The following AFAP1 variants were observed in gnomAD, a reference collection of about 807,000 sequenced individuals.
AFAP1 encodes the protein actin filament associated protein 1, also known as actin filament-associated protein 1.
In AFAP1, 75 loss-of-function variants were observed where a neutral mutation model predicts 93.9. That is an observed-to-expected ratio of 0.80 (90% CI 0.66 to 0.97). The LOEUF (loss-of-function observed/expected upper bound fraction) is 0.97, where lower values mean the gene tolerates loss of function less well. Among genes scored for constraint, AFAP1 ranks in the 50% least tolerant of loss-of-function variants. AFAP1 has a pLI of 0.00. For missense variants in AFAP1, 1,201 were observed against 1,050.8 expected (o/e 1.14, Z -1.98); for synonymous variants, 517 against 430.7 (o/e 1.20, Z -2.48).
At chr4:7,857,839 G>A (rs992821727) in intron 3 of AFAP1, among the ~76,000 whole-genome samples, 3 of 152,078 alleles carry the variant, frequency 2.0e-5, no homozygotes, top group Non-Finnish European at 4.4e-5. Flanking sequence ...TTTCCTCAGT[G>A]CCCCAAGGAA....
chr4:7,887,806 A>G (rs1718217385), intron 1 of AFAP1, among the ~76,000 whole-genome samples: 1 of 150,322 alleles, frequency 6.7e-6, no homozygotes, highest in Admixed American at 6.7e-5. Context: ...TTGTCATACT[A>G]TTTGTTTTTA....
rs192418088 is a variant in AFAP1 at position 7,773,076 on chromosome 4, A to C, written c.2063-66T>G. On this transcript the variant is annotated intron_variant, in intron 15 of 17. Coordinates refer to ENST00000420658, the MANE Select transcript of AFAP1 (RefSeq NM_001134647.2). ...AGGTTCTCCAAACAACAGAGAAGGCACCTGGTCCCCAAGAAGAACTTCCAC... is the reference window on the plus strand; with the variant it reads ...AGGTTCTCCAAACAACAGAGAAGGCCCCTGGTCCCCAAGAAGAACTTCCAC... 81 of 1,526,422 alleles carry C rather than the reference A, an allele frequency of 5.3e-5. No individual in the cohort carries two copies. In the Middle Eastern group the frequency reaches 2.2e-3, roughly 42 times the overall value. 94.6% of individuals were successfully genotyped at this position (1,526,422 alleles called of 1,614,324 possible). A position where few individuals can be genotyped will look rare whatever the true frequency, so the allele number is the denominator to read the frequency against.
In AFAP1 at chr4:7,768,944, G is replaced by C. The variant is rs1290467491; in HGVS notation, c.2318C>G (p.Thr773Ser). 1 of 1,613,834 alleles carries C rather than the reference G, an allele frequency of 6.2e-7. No homozygotes were observed. The highest frequency in any genetic ancestry group is 8.5e-7 in the Non-Finnish European group (1 of 1,179,904). The change falls in exon 17 of 18, where the codon ACC (threonine) becomes AGC (serine). Residue 773 changes from threonine (T) to serine (S), a missense_variant. Thr to Ser is a moderately conservative substitution (Grantham distance 58). Coordinates refer to ENST00000420658, the MANE Select transcript of AFAP1 (RefSeq NM_001134647.2). ...SPISSCDTSD[T>S]EGPVPVNSAA... Reference sequence around the variant, plus strand: ...GCTGTTCACCGGCACGGGGCCCTCGGTGTCACTGGTGTCACAGCTGGAGAT... The same window carrying C: ...GCTGTTCACCGGCACGGGGCCCTCGCTGTCACTGGTGTCACAGCTGGAGAT...
At chr4:7,821,310 A>G (rs994242580) in intron 6 of AFAP1, among the ~76,000 whole-genome samples, 3 of 152,206 alleles carry the variant, frequency 2.0e-5, no homozygotes, top group Admixed American at 2.0e-4. Context: ...TGGCACGTGT[A>G]CATTCAAACC....
chr4:7,831,399 A>G (rs1577264994), intron 6 of AFAP1, among the ~76,000 whole-genome samples: 1 of 152,050 alleles, frequency 6.6e-6, no homozygotes, highest in Non-Finnish European at 1.5e-5. Flanking sequence ...ATGCTAAAAA[A>G]AAAAAAAAAA....
intron 6 of AFAP1, among the ~76,000 whole-genome samples, chr4:7,827,522 G>T (rs1370775207): frequency 2.4e-5 from 3 of 125,746 alleles, no homozygotes; most frequent in Non-Finnish European, 4.7e-5. Flanking sequence ...GGTGAGCAGA[G>T]ATAGTGCCAT....
At chr4:7,792,069 GT>G (rs1717911665) in intron 11 of AFAP1, among the ~76,000 whole-genome samples, 1 of 152,094 alleles carries the variant, frequency 6.6e-6, no homozygotes, top group Non-Finnish European at 1.5e-5. Context: ...TGCTCTTTTG[GT>G]TGAAGTATGT....
chr4:7,833,575 C>G (rs4594724), intron 6 of AFAP1, among the ~76,000 whole-genome samples: 31,050 of 147,608 alleles, frequency 0.21, 4,202 homozygotes, highest in Non-Finnish European at 0.31. Context: ...CTATGGAAAA[C>G]AGTGTGGAGA....
intron 6 of AFAP1, among the ~76,000 whole-genome samples, chr4:7,823,562 G>C (rs1721161575): frequency 1.3e-5 from 2 of 152,148 alleles, no homozygotes; most frequent in Non-Finnish European, 2.9e-5. Context: ...GGTCCCTGGA[G>C]TGTCCCCATC....
rs1721462158 is a variant in AFAP1 at position 7,937,553 on chromosome 4, T to C, written c.-3+2103A>G. On this transcript the variant is annotated intron_variant, in intron 1 of 17. Coordinates refer to ENST00000420658, the MANE Select transcript of AFAP1 (RefSeq NM_001134647.2). ...CCAGGCTGGAGTGCAGTGGAGTTAT[T>C]TCAACTCACTGCAACCTCCGCCTCC... Among the ~76,000 whole-genome samples, 3 of 152,132 alleles carry C rather than the reference T, an allele frequency of 2.0e-5. No individual in the cohort carries two copies. In the South Asian group the frequency reaches 6.2e-4, roughly 31 times the overall value.
chr4:7,822,636 G>A (rs1376513118), intron 6 of AFAP1, among the ~76,000 whole-genome samples: 1 of 148,164 alleles, frequency 6.7e-6, no homozygotes, highest in Non-Finnish European at 1.5e-5. Flanking sequence ...CCAGGCTGGA[G>A]TGCAGTGGCA....
chr4:7,916,607 C>A (rs372162565), intron 1 of AFAP1, among the ~76,000 whole-genome samples: 19 of 152,106 alleles, frequency 1.2e-4, no homozygotes, highest in East Asian at 7.7e-4. Flanking sequence ...TCCCCTCCCC[C>A]TCCTGCAGGA....
At chr4:7,928,530 G>T (rs59902028) in intron 1 of AFAP1, among the ~76,000 whole-genome samples, 48,865 of 151,644 alleles carry the variant, frequency 0.32, 8,679 homozygotes, top group African/African-American at 0.46. Flanking sequence ...TGGGACTACA[G>T]GCACGCACCA....
intron 11 of AFAP1, among the ~76,000 whole-genome samples, chr4:7,791,238 C>T (rs1717833562): frequency 6.6e-6 from 1 of 152,208 alleles, no homozygotes; most frequent in African/African-American, 2.4e-5. Context: ...CTGTATGTTT[C>T]TCCTCACTTG....
chr4:7,867,223 G>T (rs971383231), intron 3 of AFAP1, among the ~76,000 whole-genome samples: 2 of 152,132 alleles, frequency 1.3e-5, no homozygotes, highest in Admixed American at 6.5e-5. Flanking sequence ...CAGATGGCCG[G>T]GTGGTTGGCT....
At chr4:7,841,309 A>ACC (rs35981158) in intron 5 of AFAP1, among the ~76,000 whole-genome samples, 1 of 151,940 alleles carries the variant, frequency 6.6e-6, no homozygotes, top group African/African-American at 2.4e-5. Context: ...CCACACACAC[A>ACC]CACTGAATGC....
intron 6 of AFAP1, among the ~76,000 whole-genome samples, chr4:7,834,222 G>A (rs1010033667): frequency 3.9e-5 from 6 of 152,120 alleles, no homozygotes; most frequent in African/African-American, 1.2e-4. Flanking sequence ...TATTCTAAGT[G>A]AAGTAACTCA....
intron 1 of AFAP1, among the ~76,000 whole-genome samples, chr4:7,914,959 G>A (rs1459706776): frequency 6.6e-6 from 1 of 152,170 alleles, no homozygotes; most frequent in Non-Finnish European, 1.5e-5. Context: ...ACGTTGGCCA[G>A]GCTGGTCTTG....
At chr4:7,791,102 T>C (rs566046000) in intron 11 of AFAP1, among the ~76,000 whole-genome samples, 1 of 152,182 alleles carries the variant, frequency 6.6e-6, no homozygotes, top group Non-Finnish European at 1.5e-5. Flanking sequence ...AGCACTTGTG[T>C]GGAAAAACTA....
Sources: gnomAD v4.1 joint callset for allele counts (sites outside exome capture counted in the v4.1 genomes callset) on GRCh38, gnomAD v4.1.1 for gene constraint, MANE v1.5 for transcripts, NCBI Gene and HGNC (gene_info 2026-07-23, HGNC 2026-07-21) for gene names.